Variants in ZSCAN5A observed in about 807,000 individuals in gnomAD.
The protein encoded by ZSCAN5A is zinc finger and SCAN domain containing 5A.
ZSCAN5A carries 12 observed loss-of-function variants against 23.7 expected under a neutral mutation model. That is an observed-to-expected ratio of 0.51 (90% CI 0.32 to 0.82). The LOEUF (loss-of-function observed/expected upper bound fraction) is 0.82, where lower values mean the gene tolerates loss of function less well. Among genes scored for constraint, ZSCAN5A ranks in the 40% least tolerant of loss-of-function variants. ZSCAN5A has a pLI of 0.03. For synonymous variants in ZSCAN5A, 257 were observed against 239.9 expected (o/e 1.07, Z -0.66); for missense variants, 597 against 617.9 (o/e 0.97, Z 0.36).
chr19:56,299,201 G>A (rs990908074), intron 2 of ZSCAN5A, among the ~76,000 whole-genome samples: 1 of 151,418 alleles, frequency 6.6e-6, no homozygotes. Flanking sequence ...GTATGATCAC[G>A]GCTCACCACA....
chr19:56,274,480 A>C (rs1447807871), intron 2 of ZSCAN5A: 1 of 144,466 alleles, frequency 6.9e-6, no homozygotes, highest in Admixed American at 7.0e-5. Flanking sequence ...AAAAAAAAAA[A>C]CTCTGTAGAG....
chr19:56,272,378 T>A lies in ZSCAN5A; in HGVS notation c.-128+40905A>T, dbSNP rs75671486. On this transcript the variant is annotated intron_variant, in intron 2 of 5. Transcript: ENST00000683990. ...AAGCTCAGTCTTGCAGCCTGAAAGC[T>A]GCTGTAGACAATACATAGTGAAATG... is the stretch of plus-strand genomic sequence containing the variant. Among the ~76,000 whole-genome samples, 714 of 152,356 alleles carry A rather than the reference T, an allele frequency of 4.7e-3. 10 individuals carry two copies. Among genetic ancestry groups the A allele is most frequent in the African/African-American group, 0.016 (674 of 41,570 alleles).
At chr19:56,245,164 T>A (rs2035771499) in intron 2 of ZSCAN5A, 2 of 487,380 alleles carry the variant, frequency 4.1e-6, no homozygotes, top group Non-Finnish European at 7.5e-6. Flanking sequence ...ACCCAGGGAA[T>A]ATGAGAGCTA....
Position 56,222,689 on chromosome 19 carries a change from G to A in ZSCAN5A, c.641C>T (p.Ser214Phe), listed in dbSNP as rs1343129395. ...CTCCAAGGTCTGCTTGGGTCTCAGA[G>A]ACTTTGGGTCACCTGTTACGTCAAT... ...KSIDVTGDPK[S>F]LRPKQTLEKD... The change falls in exon 5 of 6, where the codon TCT becomes TTT. Residue 214 changes from serine (S) to phenylalanine (F), a missense_variant. This residue lies in a region of ZSCAN5A where 406 missense variants were observed against 353.2 expected (regional missense o/e 1.15). Transcript: ENST00000683990. The A allele has an allele frequency of 1.2e-6, 2 of 1,614,162 alleles. No homozygotes were observed. Among genetic ancestry groups the A allele is most frequent in the Admixed American group, 3.3e-5 (2 of 60,016 alleles).
intron 2 of ZSCAN5A, among the ~76,000 whole-genome samples, chr19:56,279,299 C>G (rs1404072720): frequency 6.6e-6 from 1 of 151,998 alleles, no homozygotes; most frequent in African/African-American, 2.4e-5. Flanking sequence ...TCCACCCCTA[C>G]TAGACTGCAA....
intron 2 of ZSCAN5A, among the ~76,000 whole-genome samples, chr19:56,294,401 C>A (rs897734475): frequency 3.9e-5 from 6 of 152,212 alleles, no homozygotes; most frequent in Non-Finnish European, 8.8e-5. Flanking sequence ...CCCAAACTCC[C>A]TTAGATTCTA....
intron 2 of ZSCAN5A, among the ~76,000 whole-genome samples, chr19:56,262,179 G>A (rs1014579518): frequency 2.6e-5 from 4 of 151,758 alleles, no homozygotes; most frequent in African/African-American, 4.8e-5. Flanking sequence ...CACCATGATC[G>A]GCTAATTTTT....
intron 2 of ZSCAN5A, among the ~76,000 whole-genome samples, chr19:56,287,707 A>G (rs2039232383): frequency 6.6e-6 from 1 of 152,226 alleles, no homozygotes; most frequent in African/African-American, 2.4e-5. Context: ...TCATGGGGCT[A>G]GAAATCATCT....
At chr19:56,257,289 G>C (rs933815717) in intron 2 of ZSCAN5A, among the ~76,000 whole-genome samples, 3 of 152,176 alleles carry the variant, frequency 2.0e-5, no homozygotes, top group Non-Finnish European at 4.4e-5. Context: ...AGAATCCCTG[G>C]AACCAGGTGA....
At chr19:56,304,983 G>A (rs1398418826) in intron 2 of ZSCAN5A, among the ~76,000 whole-genome samples, 1 of 152,124 alleles carries the variant, frequency 6.6e-6, no homozygotes, top group Non-Finnish European at 1.5e-5. Flanking sequence ...TCCCAAGTTC[G>A]TCACCCTTAC....
intron 2 of ZSCAN5A, among the ~76,000 whole-genome samples, chr19:56,282,757 G>A (rs2038811193): frequency 6.6e-6 from 1 of 152,224 alleles, no homozygotes; most frequent in African/African-American, 2.4e-5. Context: ...ATGGCTCAAG[G>A]AAAGCTATTA....
At chr19:56,320,599 C>A (rs549125052) in intron 2 of ZSCAN5A, 1 of 595,396 alleles carries the variant, frequency 1.7e-6, no homozygotes, top group East Asian at 3.4e-5. Context: ...GTGACAAGAG[C>A]GAAATTCTGT....
intron 2 of ZSCAN5A, among the ~76,000 whole-genome samples, chr19:56,322,988 G>A (rs1485396729): frequency 3.4e-5 from 5 of 147,764 alleles, no homozygotes; most frequent in African/African-American, 7.5e-5. Flanking sequence ...TTCGCCTCCC[G>A]GGTTCACGCC....
intron 2 of ZSCAN5A, among the ~76,000 whole-genome samples, chr19:56,288,888 G>A (rs528153036): frequency 6.6e-6 from 1 of 152,304 alleles, no homozygotes; most frequent in Admixed American, 6.5e-5. Context: ...GACAGAAGAA[G>A]AAAGTAAGTA....
intron 2 of ZSCAN5A, among the ~76,000 whole-genome samples, chr19:56,325,308 T>C (rs2041422510): frequency 6.6e-6 from 1 of 152,214 alleles, no homozygotes; most frequent in South Asian, 2.1e-4. Context: ...CCACACAGAA[T>C]GGGGCCCCTC....
chr19:56,328,905 G>A (rs2041461757), intron 2 of ZSCAN5A, among the ~76,000 whole-genome samples: 1 of 150,168 alleles, frequency 6.7e-6, no homozygotes, highest in Non-Finnish European at 1.5e-5. Context: ...TGAGGCAGGA[G>A]AATGGCGTGA....
In ZSCAN5A at chr19:56,328,944, G is replaced by A. The variant is rs573072104; in HGVS notation, c.-357-12676C>T. Among the ~76,000 whole-genome samples, 384 of 149,112 alleles carry A rather than the reference G, an allele frequency of 2.6e-3. 1 individual carries two copies. Among genetic ancestry groups the A allele is most frequent in the African/African-American group, 9.2e-3 (372 of 40,436 alleles). On this transcript the variant is annotated intron_variant, in intron 2 of 6. Transcript: ENST00000587340. ...CAGGAGGCGGAGCTTGCAGTGAGCC[G>A]AGATGGCGCCACTGCACTCCAGCCT...
chr19:56,246,759 G>A (rs775932496), intron 2 of ZSCAN5A: 3 of 1,565,856 alleles, frequency 1.9e-6, no homozygotes, highest in East Asian at 2.2e-5. Context: ...AGGAGGGGAA[G>A]GAACCCAAAA....
At chr19:56,270,185 C>T (rs995456813) in intron 2 of ZSCAN5A, among the ~76,000 whole-genome samples, 2 of 151,264 alleles carry the variant, frequency 1.3e-5, no homozygotes, top group Admixed American at 1.3e-4. Context: ...TATGGGAGGC[C>T]GAGGTGGGTG....
Sources: gnomAD v4.1 joint callset for allele counts (sites outside exome capture counted in the v4.1 genomes callset) on GRCh38, gnomAD v4.1.1 for gene constraint, gnomAD v4.1.1 regional missense constraint, MANE v1.5 for transcripts, NCBI Gene and HGNC (gene_info 2026-07-23, HGNC 2026-07-21) for gene names.